Variants in DNM3 observed in about 807,000 individuals in gnomAD.
The protein encoded by DNM3 is dynamin 3.
DNM3 carries 47 observed loss-of-function variants against 101.6 expected under a neutral mutation model. The ratio of observed to expected loss-of-function variants is 0.46; its 90% CI spans 0.37 to 0.59. The LOEUF (loss-of-function observed/expected upper bound fraction) is 0.59, where lower values mean the gene tolerates loss of function less well. Ranked by LOEUF, DNM3 falls within the 20% of genes least tolerant of loss-of-function variation. The probability of loss-of-function intolerance (pLI) is 0.00; values close to 1 mark genes in which losing one functional copy is unlikely to be tolerated. For synonymous variants in DNM3, 385 were observed against 387.9 expected, an observed-to-expected ratio of 0.99 and a Z score of 0.09; for missense variants, 849 against 1,085.7, an observed-to-expected ratio of 0.78 and a Z score of 3.06.
intron 15 of DNM3, among the ~76,000 whole-genome samples, chr1:172,279,478 C>A (rs115621610): frequency 3.3e-5 from 5 of 152,114 alleles, no homozygotes; most frequent in Non-Finnish European, 7.4e-5. Context: ...CGAATTTTAT[C>A]GTGAAAATGT....
chr1:172,105,742 C>A (rs1382491554), intron 13 of DNM3, among the ~76,000 whole-genome samples: 2 of 151,890 alleles, frequency 1.3e-5, no homozygotes, highest in East Asian at 3.9e-4. Flanking sequence ...GTTACTTGTT[C>A]TGTTTATTAT....
chr1:171,882,122 G>A (rs955280747), intron 1 of DNM3, among the ~76,000 whole-genome samples: 4 of 151,924 alleles, frequency 2.6e-5, no homozygotes, highest in South Asian at 4.2e-4. Context: ...CGAGGTGGGC[G>A]GATCACCTGA....
chr1:172,207,996 A>G (rs974739717), intron 14 of DNM3, among the ~76,000 whole-genome samples: 5 of 152,108 alleles, frequency 3.3e-5, no homozygotes, highest in African/African-American at 1.2e-4. Flanking sequence ...ATACAGTAAC[A>G]ATGCTAAGTT....
Position 172,409,968 on chromosome 1 carries a change from C to T in DNM3, c.*2127C>T. The T allele has an allele frequency of 1.0e-6, 1 of 985,666 alleles. No homozygotes were observed. Among genetic ancestry groups the T allele is most frequent in the Non-Finnish European group, 1.2e-6 (1 of 829,858 alleles). 61.1% of individuals were successfully genotyped at this position (985,666 alleles called of 1,614,324 possible). On this transcript the variant is annotated 3_prime_UTR_variant, in exon 21 of 21. Coordinates refer to ENST00000627582, the MANE Select transcript of DNM3 (RefSeq NM_015569.5). Reference sequence around the variant, plus strand: ...TGGAGATTTTTTTCCAATTTTCCTTCCACTGATCTTAGGCAGTAATAAACA... The same window carrying T: ...TGGAGATTTTTTTCCAATTTTCCTTTCACTGATCTTAGGCAGTAATAAACA...
intron 14 of DNM3, chr1:172,133,299 G>A: frequency 9.7e-7 from 1 of 1,026,370 alleles, no homozygotes; most frequent in Non-Finnish European, 1.2e-6. Context: ...TCCAGACTCA[G>A]GATAATTCTT....
intron 6 of DNM3, among the ~76,000 whole-genome samples, chr1:172,035,984 CT>C (rs1041111059): frequency 1.5e-4 from 22 of 151,232 alleles, no homozygotes; most frequent in Admixed American, 9.2e-4. Context: ...ATTCTCCTTA[CT>C]TTTTTTTTCT....
chr1:171,987,902 G>A (rs77868630), intron 3 of DNM3, 97 bp downstream of exon 3: 11 of 1,221,158 alleles, frequency 9.0e-6, no homozygotes, highest in Non-Finnish European at 1.1e-5. Flanking sequence ...AATAGTGCTG[G>A]GTTTCTAGGG....
chr1:171,905,967 T>C (rs747254233), intron 1 of DNM3, among the ~76,000 whole-genome samples: 10 of 152,094 alleles, frequency 6.6e-5, no homozygotes, highest in Non-Finnish European at 1.2e-4. Context: ...ATGTGAAGGA[T>C]GGATGTACCA....
chr1:172,209,205 C>T (rs1251820693), intron 14 of DNM3, among the ~76,000 whole-genome samples: 1 of 151,900 alleles, frequency 6.6e-6, no homozygotes, highest in Non-Finnish European at 1.5e-5. Context: ...ACCAAGGTCC[C>T]CACACAGAGG....
chr1:172,208,771 G>C (rs2060410827), intron 14 of DNM3, among the ~76,000 whole-genome samples: 1 of 152,050 alleles, frequency 6.6e-6, no homozygotes, highest in Non-Finnish European at 1.5e-5. Flanking sequence ...ACACTGCTAG[G>C]CTTAGTCTCT....
At chr1:172,307,820 C>T (rs1460500012) in intron 15 of DNM3, among the ~76,000 whole-genome samples, 1 of 149,984 alleles carries the variant, frequency 6.7e-6, no homozygotes, top group Non-Finnish European at 1.5e-5. Context: ...GGGAACTGAA[C>T]AATGGAATAC....
intron 11 of DNM3, among the ~76,000 whole-genome samples, chr1:172,078,014 T>G (rs2052808120): frequency 6.6e-6 from 1 of 152,208 alleles, no homozygotes; most frequent in South Asian, 2.1e-4. Flanking sequence ...TTTAGGATAG[T>G]TAGCTCTTCT....
intron 13 of DNM3, among the ~76,000 whole-genome samples, chr1:172,115,439 CA>C (rs989243026): frequency 1.1e-4 from 16 of 152,322 alleles, no homozygotes; most frequent in African/African-American, 3.8e-4. Context: ...TTCTTTAAAA[CA>C]GTGAGATCAT....
intron 14 of DNM3, among the ~76,000 whole-genome samples, chr1:172,147,718 T>C (rs2057966328): frequency 1.3e-5 from 2 of 152,122 alleles, no homozygotes; most frequent in South Asian, 4.1e-4. Context: ...TTAAGTTTTT[T>C]TTGTTACAAG....
At chr1:172,417,719 T>C (rs1474198256) in intron 20 of DNM3, among the ~76,000 whole-genome samples, 1 of 152,206 alleles carries the variant, frequency 6.6e-6, no homozygotes, top group African/African-American at 2.4e-5. Context: ...ATCCTTTTTT[T>C]CTGAGATCAA....
intron 4 of DNM3, among the ~76,000 whole-genome samples, chr1:172,012,656 G>A (rs961429220): frequency 2.0e-5 from 3 of 151,170 alleles, no homozygotes; most frequent in African/African-American, 7.3e-5. Flanking sequence ...TCTTTTTCAT[G>A]TCTCTTTTTT....
intron 15 of DNM3, among the ~76,000 whole-genome samples, chr1:172,282,606 G>T (rs2063532485): frequency 6.6e-6 from 1 of 152,184 alleles, no homozygotes; most frequent in Non-Finnish European, 1.5e-5. Context: ...TAACTAGCTG[G>T]TGAAAAATTT....
chr1:172,117,913 A>G (rs962138868), intron 13 of DNM3, among the ~76,000 whole-genome samples: 3 of 152,218 alleles, frequency 2.0e-5, no homozygotes, highest in Non-Finnish European at 4.4e-5. Context: ...GTCATACATA[A>G]GAGATTGTGG....
chr1:172,285,590 C>A (rs1273847843), intron 15 of DNM3, among the ~76,000 whole-genome samples: 2 of 152,080 alleles, frequency 1.3e-5, no homozygotes, highest in East Asian at 1.9e-4. Context: ...AGTATGAAGA[C>A]CTATTTTTCC....
Sources: gnomAD v4.1 joint callset for allele counts (sites outside exome capture counted in the v4.1 genomes callset) on GRCh38, gnomAD v4.1.1 for gene constraint, MANE v1.5 for transcripts, NCBI Gene and HGNC (gene_info 2026-07-23, HGNC 2026-07-21) for gene names.